PTPRD: variants seen among roughly 807,000 people sequenced by gnomAD.
The protein encoded by PTPRD is receptor-type tyrosine-protein phosphatase delta.
In PTPRD, 34 loss-of-function variants were observed where a neutral mutation model predicts 214.5. The ratio of observed to expected loss-of-function variants is 0.16; its 90% CI spans 0.12 to 0.21. PTPRD has a LOEUF of 0.21. Ranked by LOEUF, PTPRD falls within the 10% of genes least tolerant of loss-of-function variation. The pLI, the probability that PTPRD is intolerant of heterozygous loss-of-function variation, is 1.00. For synonymous variants in PTPRD, 1,128 were observed against 845.7 expected, an observed-to-expected ratio of 1.33 and a Z score of -5.79; for missense variants, 2,545 against 2,398.7, an observed-to-expected ratio of 1.06 and a Z score of -1.27.
At chr9:8,590,093 T>A (rs556905564) in intron 14 of PTPRD, among the ~76,000 whole-genome samples, 2 of 152,096 alleles carry the variant, frequency 1.3e-5, no homozygotes, top group Non-Finnish European at 2.9e-5. Context: ...TACATAGATA[T>A]TATATCTATA....
chr9:9,001,969 C>T (rs977761168), intron 11 of PTPRD, among the ~76,000 whole-genome samples: 83 of 135,646 alleles, frequency 6.1e-4, no homozygotes, highest in African/African-American at 2.1e-3. Flanking sequence ...CTACCACTAG[C>T]TCCCTGTGTG....
intron 5 of PTPRD, among the ~76,000 whole-genome samples, chr9:9,819,644 T>A (rs10978009): frequency 0.079 from 12,071 of 152,042 alleles, 1,558 homozygotes; most frequent in African/African-American, 0.27. Flanking sequence ...CGGTTAGTTT[T>A]TCATCCCTTG....
Position 8,636,787 on chromosome 9 carries a change from G to A in PTPRD, c.122C>T (p.Ala41Val), listed in dbSNP as rs766465721. 10 of 1,613,888 alleles carry A rather than the reference G, an allele frequency of 6.2e-6. No individual in the cohort carries two copies. Among genetic ancestry groups the A allele is most frequent in the Non-Finnish European group, 3.4e-6 (4 of 1,179,970 alleles). The change falls in exon 13 of 46, where the codon GCC becomes GTC. Residue 41 changes from alanine to valine, a missense_variant. By Grantham distance (64) the Ala-to-Val change is moderately conservative. Coordinates refer to ENST00000381196, the MANE Select transcript of PTPRD (RefSeq NM_002839.4). ...TCCCGTAGCTTGGCAGATGAAAGAG[G>A]CAACTCCGCCAGAGACCCCTGTCTG... ...VDQTGVSGGV[A>V]SFICQATGDP...
chr9:8,407,605 T>G (rs2093123401), intron 35 of PTPRD, among the ~76,000 whole-genome samples: 3 of 152,216 alleles, frequency 2.0e-5, no homozygotes, highest in Non-Finnish European at 4.4e-5. Context: ...TATCCTTTAT[T>G]TCACCAATCC....
chr9:9,664,993 C>T (rs1171267560), intron 7 of PTPRD, among the ~76,000 whole-genome samples: 2 of 151,644 alleles, frequency 1.3e-5, no homozygotes, highest in African/African-American at 4.8e-5. Flanking sequence ...TACCAGCCTT[C>T]ATACTCATAT....
intron 2 of PTPRD, among the ~76,000 whole-genome samples, chr9:10,374,302 A>C (rs2154479406): frequency 6.6e-6 from 1 of 152,186 alleles, no homozygotes; most frequent in East Asian, 1.9e-4. Context: ...CAATGTAAGA[A>C]TTATAATTGT....
At chr9:10,395,445 G>A (rs2098149881) in intron 2 of PTPRD, among the ~76,000 whole-genome samples, 1 of 151,650 alleles carries the variant, frequency 6.6e-6, no homozygotes, top group African/African-American at 2.4e-5. Flanking sequence ...GCTCTCTAAA[G>A]GCAGTCACCA....
chr9:8,790,873 C>G (rs990773439), intron 11 of PTPRD, among the ~76,000 whole-genome samples: 1 of 152,026 alleles, frequency 6.6e-6, no homozygotes, highest in Non-Finnish European at 1.5e-5. Context: ...AGTAAAAATT[C>G]GGTCCCTCAG....
chr9:10,362,232 C>T (rs2097406192), intron 2 of PTPRD, among the ~76,000 whole-genome samples: 1 of 152,060 alleles, frequency 6.6e-6, no homozygotes, highest in Admixed American at 6.6e-5. Context: ...ATAACAGTAA[C>T]AATTTCTCAC....
chr9:8,579,089 T>C (rs1474427208), intron 14 of PTPRD, among the ~76,000 whole-genome samples: 1 of 152,214 alleles, frequency 6.6e-6, no homozygotes, highest in African/African-American at 2.4e-5. Flanking sequence ...AATAATTTGA[T>C]TAATAAATCA....
At chr9:9,775,338 C>T (rs543250820) in intron 5 of PTPRD, among the ~76,000 whole-genome samples, 24 of 152,172 alleles carry the variant, frequency 1.6e-4, no homozygotes, top group African/African-American at 3.4e-4. Context: ...TTTTAATCTA[C>T]GGGTTTTAAG....
chr9:9,438,912 G>T (rs1017859331), intron 8 of PTPRD, among the ~76,000 whole-genome samples: 10 of 152,044 alleles, frequency 6.6e-5, no homozygotes, highest in Middle Eastern at 3.2e-3. Context: ...AAATGGGAAC[G>T]CTCTAGGACA....
chr9:10,076,357 G>A (rs751931484), intron 3 of PTPRD, among the ~76,000 whole-genome samples: 7 of 152,078 alleles, frequency 4.6e-5, no homozygotes, highest in Non-Finnish European at 8.8e-5. Context: ...TCTGTGGGAA[G>A]ATTTTCTCAG....
chr9:8,799,786 C>G (rs183737589), intron 11 of PTPRD, among the ~76,000 whole-genome samples: 1 of 152,162 alleles, frequency 6.6e-6, no homozygotes, highest in Admixed American at 6.5e-5. Flanking sequence ...TCTACCAATG[C>G]TCCAGAGAAA....
At chr9:8,504,540 G>T (rs2097496841) in intron 22 of PTPRD, 135 bp from the exon 23 acceptor site, 5 of 987,080 alleles carry the variant, frequency 5.1e-6, no homozygotes, top group South Asian at 1.6e-5. Flanking sequence ...AGTCAATAGT[G>T]AGTATCCAGG....
At chr9:9,348,422 G>A (rs1238210494) in intron 9 of PTPRD, among the ~76,000 whole-genome samples, 1 of 152,090 alleles carries the variant, frequency 6.6e-6, no homozygotes, top group Non-Finnish European at 1.5e-5. Flanking sequence ...CAGTCACAAT[G>A]CTCAATTCCT....
chr9:9,195,107 T>TATATATATACAC (rs58832794), intron 9 of PTPRD, among the ~76,000 whole-genome samples: 25 of 141,202 alleles, frequency 1.8e-4, no homozygotes, highest in South Asian at 4.8e-4. Context: ...TATATATATA[T>TATATATATACAC]ACACACACAC....
At chr9:10,410,253 G>GTATGTA (rs1555303903) in intron 2 of PTPRD, among the ~76,000 whole-genome samples, 2 of 127,116 alleles carry the variant, frequency 1.6e-5, no homozygotes, top group African/African-American at 5.4e-5. Context: ...CATATTTTGT[G>GTATGTA]TATATATATA....
chr9:9,292,981 C>A (rs7042931), intron 9 of PTPRD, among the ~76,000 whole-genome samples: 1 of 151,176 alleles, frequency 6.6e-6, no homozygotes, highest in African/African-American at 2.4e-5. Flanking sequence ...TGATTACCTG[C>A]TTAAGGTAGT....
Sources: allele counts gnomAD v4.1 joint callset (sites outside exome capture counted in the v4.1 genomes callset), GRCh38; gene constraint gnomAD v4.1.1; transcripts MANE v1.5; gene names NCBI Gene and HGNC (gene_info 2026-07-23, HGNC 2026-07-21).